The following FNDC3A variants were observed in gnomAD, a reference collection of about 807,000 sequenced individuals.
FNDC3A encodes the protein fibronectin type-III domain-containing protein 3A.
A neutral mutation model predicts 148.9 loss-of-function variants in FNDC3A; 32 were observed. That is an observed-to-expected ratio of 0.21 (90% confidence interval 0.16 to 0.29). The LOEUF (loss-of-function observed/expected upper bound fraction) is 0.29. FNDC3A is among the 10% of genes least tolerant of loss of function. The pLI is 1.00. For synonymous variants in FNDC3A, 472 were observed against 473.6 expected, an observed-to-expected ratio of 1.00 and a Z score of 0.04; for missense variants, 1,191 against 1,452.8, an observed-to-expected ratio of 0.82 and a Z score of 2.93.
intron 17 of FNDC3A, among the ~76,000 whole-genome samples, chr13:49,190,303 A>G (rs1200106397): frequency 6.6e-6 from 1 of 152,246 alleles, no homozygotes; most frequent in Non-Finnish European, 1.5e-5. Flanking sequence ...GTAACTGGAA[A>G]AGCTTACCTG....
At chr13:49,203,125 G>A (rs757202637) in intron 24 of FNDC3A, 32 bp from the exon 25 acceptor site, 3 of 1,453,690 alleles carry the variant, frequency 2.1e-6, no homozygotes, top group Non-Finnish European at 2.8e-6. Context: ...AAATCAAGTG[G>A]AACAGATATT....
intron 1 of FNDC3A, among the ~76,000 whole-genome samples, chr13:48,985,297 G>A (rs1951766868): frequency 6.6e-6 from 1 of 152,158 alleles, no homozygotes; most frequent in Admixed American, 6.5e-5. Context: ...GAATACTATT[G>A]AACCGAATAT....
intron 24 of FNDC3A, 87 bp from the exon 25 acceptor site, chr13:49,203,070 G>A: frequency 1.1e-6 from 1 of 883,562 alleles, no homozygotes; most frequent in Non-Finnish European, 1.7e-6. Context: ...TTAAATATTT[G>A]TTGATTTTTA....
chr13:49,145,656 A>T, intron 7 of FNDC3A, 122 bp from the exon 8 acceptor site: 1 of 752,930 alleles, frequency 1.3e-6, no homozygotes. Context: ...TATATTTGTG[A>T]GCCATTTTAT....
At chr13:49,139,311 G>A (rs1882559770) in intron 7 of FNDC3A, among the ~76,000 whole-genome samples, 1 of 152,116 alleles carries the variant, frequency 6.6e-6, no homozygotes, top group Non-Finnish European at 1.5e-5. Flanking sequence ...GGAGAAAGAT[G>A]TGGTGGAAGA....
rs1878034227 is a variant in FNDC3A, at chr13:49,075,492, T to C, written c.175+128T>C. 5 of 584,416 alleles carry C rather than the reference T, an allele frequency of 8.6e-6. No individual in the cohort carries two copies. The South Asian group carries it at 1.2e-4, about 14-fold the overall frequency. 36.2% of individuals were successfully genotyped at this position (584,416 alleles called of 1,614,324 possible). A position where few individuals can be genotyped will look rare whatever the true frequency, so the allele number is the denominator to read the frequency against. On this transcript the variant is annotated intron_variant, in intron 3 of 25. Transcript: ENST00000492622. The stretch of plus-strand genomic sequence containing the variant: ...TACCAGCACACAAAAGCATAAACTC[T>C]GATATCTTAGCATTTAAGTATTGCA...
chr13:49,035,337 T>C (rs1874417397), intron 2 of FNDC3A, among the ~76,000 whole-genome samples: 1 of 152,046 alleles, frequency 6.6e-6, no homozygotes, highest in African/African-American at 2.4e-5. Flanking sequence ...TATATACATA[T>C]ATGCAGACAT....
intron 4 of FNDC3A, among the ~76,000 whole-genome samples, chr13:49,119,570 G>A (rs1019012649): frequency 3.9e-5 from 6 of 152,018 alleles, no homozygotes; most frequent in African/African-American, 1.4e-4. Context: ...CTAACCCAAT[G>A]CAAGGAAGCT....
At chr13:49,184,301 A>AT (rs1423584026) in intron 14 of FNDC3A, among the ~76,000 whole-genome samples, 2 of 152,346 alleles carry the variant, frequency 1.3e-5, no homozygotes, top group African/African-American at 2.4e-5. Context: ...CTAAGCAGTG[A>AT]TAAAAAGTCC....
At chr13:48,991,036 A>G (rs570191381) in intron 1 of FNDC3A, among the ~76,000 whole-genome samples, 1 of 152,334 alleles carries the variant, frequency 6.6e-6, no homozygotes, top group South Asian at 2.1e-4. Flanking sequence ...GAAGAGGGAA[A>G]AGGGGACAAA....
At chr13:49,034,247 T>C (rs769695087) in intron 2 of FNDC3A, among the ~76,000 whole-genome samples, 9 of 152,046 alleles carry the variant, frequency 5.9e-5, no homozygotes, top group Non-Finnish European at 1.2e-4. Context: ...AGCTGTATTA[T>C]GAAGAAAGCT....
intron 3 of FNDC3A, among the ~76,000 whole-genome samples, chr13:49,105,080 A>G (rs957974384): frequency 1.1e-4 from 16 of 152,224 alleles, no homozygotes; most frequent in Non-Finnish European, 1.0e-4. Context: ...ACTCTTCCCA[A>G]TCTATTTTTT....
chr13:49,109,359 A>G (rs1167869757), intron 3 of FNDC3A, among the ~76,000 whole-genome samples: 1 of 152,254 alleles, frequency 6.6e-6, no homozygotes, highest in Non-Finnish European at 1.5e-5. Context: ...ACTTCAGAGA[A>G]GAGCAGTAAA....
intron 8 of FNDC3A, among the ~76,000 whole-genome samples, chr13:49,163,509 A>G (rs191269835): frequency 3.3e-5 from 5 of 152,240 alleles, no homozygotes; most frequent in African/African-American, 7.2e-5. Flanking sequence ...TTAGGGTGGG[A>G]GTGTCCTGAT....
intron 3 of FNDC3A, among the ~76,000 whole-genome samples, chr13:49,108,807 G>A (rs1018998926): frequency 3.3e-5 from 5 of 152,070 alleles, no homozygotes; most frequent in Non-Finnish European, 5.9e-5. Context: ...CTTGCCCTTT[G>A]GTCTCGTTTT....
intron 1 of FNDC3A, among the ~76,000 whole-genome samples, chr13:49,004,845 T>C (rs1264873801): frequency 6.6e-6 from 1 of 151,910 alleles, no homozygotes; most frequent in Non-Finnish European, 1.5e-5. Flanking sequence ...TTACACTAAC[T>C]CTTGTGATAT....
intron 7 of FNDC3A, among the ~76,000 whole-genome samples, chr13:49,144,153 C>T (rs1882860541): frequency 6.6e-6 from 1 of 151,756 alleles, no homozygotes; most frequent in Admixed American, 6.6e-5. Context: ...AATCAAGAGA[C>T]ACTTATGGGT....
chr13:49,000,666 T>G (rs1952108062), intron 1 of FNDC3A, among the ~76,000 whole-genome samples: 1 of 152,210 alleles, frequency 6.6e-6, no homozygotes, highest in Non-Finnish European at 1.5e-5. Context: ...CTTTGGATAG[T>G]ATGGACATTT....
intron 8 of FNDC3A, among the ~76,000 whole-genome samples, chr13:49,153,994 C>T (rs1224932464): frequency 6.8e-4 from 88 of 129,860 alleles, no homozygotes; most frequent in Non-Finnish European, 1.2e-3. Context: ...ATTGACTTGG[C>T]GATGCGGGCT....
Sources: gnomAD v4.1 joint callset for allele counts (sites outside exome capture counted in the v4.1 genomes callset) on GRCh38, gnomAD v4.1.1 for gene constraint, MANE v1.5 for transcripts, NCBI Gene and HGNC (gene_info 2026-07-23, HGNC 2026-07-21) for gene names.